The following PIAS4 variants were observed in gnomAD, a reference collection of about 807,000 sequenced individuals.
The protein encoded by PIAS4 is protein inhibitor of activated STAT 4, also known as E3 SUMO-protein ligase PIAS4.
In PIAS4, 7 loss-of-function variants were observed where a neutral mutation model predicts 58.0. That is an observed-to-expected ratio of 0.12 (90% confidence interval 0.07 to 0.23). PIAS4 has a LOEUF of 0.23. PIAS4 is among the 10% of genes least tolerant of loss of function. The pLI is 1.00. For synonymous variants in PIAS4, 364 were observed against 312.4 expected (o/e 1.17, Z -1.74); for missense variants, 550 against 709.5 (o/e 0.78, Z 2.55).
chr19:4,011,229 T>G (rs1311012427), intron 1 of PIAS4, among the ~76,000 whole-genome samples: 3 of 152,240 alleles, frequency 2.0e-5, no homozygotes, highest in Non-Finnish European at 4.4e-5. Flanking sequence ...CTTAACACCC[T>G]TGACGCTTGA....
chr19:4,030,573 C>G (rs1449945893), intron 7 of PIAS4, among the ~76,000 whole-genome samples: 1 of 151,118 alleles, frequency 6.6e-6, no homozygotes, highest in Non-Finnish European at 1.5e-5. Flanking sequence ...GAGCGGAGAT[C>G]GTGCCACTGC....
Position 4,024,138 on chromosome 19 carries a change from C to CA in PIAS4, c.539+19dup. On this transcript the variant is annotated intron_variant, in intron 3 of 10. Coordinates refer to ENST00000262971, the MANE Select transcript of PIAS4 (RefSeq NM_015897.4). ...AACTCCAGGTGTGCGGCACCTCCCCCAGCCCAGCACCCCACCGCCCGCCCA... is the reference window on the plus strand; with the variant it reads ...AACTCCAGGTGTGCGGCACCTCCCCCAAGCCCAGCACCCCACCGCCCGCCCA... 1 of 1,590,142 alleles carries CA rather than the reference C, an allele frequency of 6.3e-7. No individual in the cohort carries two copies. Among genetic ancestry groups the CA allele is most frequent in the Non-Finnish European group, 8.6e-7 (1 of 1,158,366 alleles).
chr19:4,036,122 A>G (rs201218647), intron 9 of PIAS4, among the ~76,000 whole-genome samples: 4,208 of 96,958 alleles, frequency 0.043, 615 homozygotes, highest in Non-Finnish European at 0.07. Flanking sequence ...ACATCTATAC[A>G]GTCCACACCG....
At chr19:4,017,641 C>A in intron 2 of PIAS4, 1 of 146,178 alleles carries the variant, frequency 6.8e-6, no homozygotes, top group Non-Finnish European at 1.5e-5. Flanking sequence ...GGGGCCAGCA[C>A]ATGGGCCAGC....
chr19:4,022,837 A>ATT (rs535618072), intron 2 of PIAS4, among the ~76,000 whole-genome samples: 1 of 137,458 alleles, frequency 7.3e-6, no homozygotes. Flanking sequence ...AGGCCTGGCT[A>ATT]TTTTTTTTTT....
chr19:4,010,299 G>A (rs1263363415), intron 1 of PIAS4, among the ~76,000 whole-genome samples: 2 of 152,200 alleles, frequency 1.3e-5, no homozygotes, highest in Admixed American at 1.3e-4. Flanking sequence ...CCGGGAAGCG[G>A]GAGCTGCGGC....
intron 8 of PIAS4, 94 bp from the exon 9 acceptor site, chr19:4,033,326 G>T: frequency 7.4e-7 from 1 of 1,349,586 alleles, no homozygotes; most frequent in Non-Finnish European, 1.0e-6. Context: ...ATGAGTGATT[G>T]GAGCGAGCCA....
At chr19:4,011,313 A>G (rs2039990067) in intron 1 of PIAS4, among the ~76,000 whole-genome samples, 1 of 152,186 alleles carries the variant, frequency 6.6e-6, no homozygotes, top group Admixed American at 6.5e-5. Flanking sequence ...CTTCAGGGCT[A>G]AGGGTGGGTG....
At chr19:4,029,273 G>A (rs1390602631) in intron 7 of PIAS4, among the ~76,000 whole-genome samples, 2 of 152,176 alleles carry the variant, frequency 1.3e-5, no homozygotes, top group African/African-American at 4.8e-5. Context: ...CACACCTCGT[G>A]TTGCTGGCCC....
intron 1 of PIAS4, among the ~76,000 whole-genome samples, chr19:4,011,673 G>T (rs35985287): frequency 0.12 from 9,663 of 81,078 alleles, 725 homozygotes; most frequent in African/African-American, 0.31. Flanking sequence ...TGGAGGTGTG[G>T]GGGGTGTGGA....
In PIAS4 at chr19:4,037,548, C is replaced by T. The variant is rs755815912; in HGVS notation, c.1273+44C>T. 29 of 1,607,600 alleles carry T rather than the reference C, an allele frequency of 1.8e-5. No individual in the cohort carries two copies. The highest frequency in any genetic ancestry group is 1.8e-4 in the East Asian group (8 of 44,876). On this transcript the variant is annotated intron_variant, in intron 10 of 10. Transcript: ENST00000262971. This position sits in a 1 kb window ranked among gnomAD's most constrained non-coding sequence, Gnocchi z 5.8. ...CAGCCGCGCAGTCCGCAGCCAGGGCCGCCTCAGTTTCCCCATTTATCAGTG... is the reference window on the plus strand; with the variant it reads ...CAGCCGCGCAGTCCGCAGCCAGGGCTGCCTCAGTTTCCCCATTTATCAGTG...
chr19:4,021,253 A>G (rs1485792045), intron 2 of PIAS4, among the ~76,000 whole-genome samples: 1 of 152,068 alleles, frequency 6.6e-6, no homozygotes, highest in East Asian at 1.9e-4. Flanking sequence ...TCTGGGTTTA[A>G]GCGATTCTCC....
At chr19:4,023,893 C>T in intron 2 of PIAS4, 143 bp from the exon 3 acceptor site, 2 of 655,790 alleles carry the variant, frequency 3.0e-6, no homozygotes, top group South Asian at 3.5e-5. Flanking sequence ...CCTGGGCGGC[C>T]CCCACCTCTG....
intron 2 of PIAS4, among the ~76,000 whole-genome samples, chr19:4,017,239 A>T (rs990555022): frequency 6.6e-6 from 1 of 152,020 alleles, no homozygotes; most frequent in African/African-American, 2.4e-5. Context: ...CTGCTACCAG[A>T]TGGGGGGCTG....
chr19:4,015,235 T>C (rs2040039891), intron 2 of PIAS4, among the ~76,000 whole-genome samples: 1 of 152,294 alleles, frequency 6.6e-6, no homozygotes, highest in East Asian at 1.9e-4. Context: ...AGGACCTGCA[T>C]CACAGGGAGG....
chr19:4,012,506 C>G (rs567996192), intron 1 of PIAS4, among the ~76,000 whole-genome samples: 5 of 152,096 alleles, frequency 3.3e-5, no homozygotes, highest in Admixed American at 3.3e-4. Flanking sequence ...CCAGCCAGTG[C>G]TTTATGTCAT....
chr19:4,038,162 T>G lies in PIAS4; in HGVS notation c.*287T>G. ...CACACAGCCGCCTCCCCGGCTGGAG[T>G]CCGAGCCGGGAAGGGGTAGTGGGCG... is the stretch of plus-strand genomic sequence containing the variant. On this transcript the variant is annotated 3_prime_UTR_variant, in exon 11 of 11. Coordinates refer to ENST00000262971, the MANE Select transcript of PIAS4 (RefSeq NM_015897.4). The surrounding 1 kb of genome is among the most constrained non-coding windows in gnomAD (Gnocchi z 4.1). The G allele has an allele frequency of 2.7e-6, 1 of 366,872 alleles. No individual in the cohort carries two copies. The highest frequency in any genetic ancestry group is 5.0e-6 in the Non-Finnish European group (1 of 201,994). The allele number at this position is 366,872 out of a possible 1,614,324, so 22.7% of individuals were successfully genotyped here. A position where few individuals can be genotyped will look rare whatever the true frequency, so the allele number is the denominator to read the frequency against.
chr19:4,009,330 A>G (rs1289385540), intron 1 of PIAS4, among the ~76,000 whole-genome samples: 2 of 152,090 alleles, frequency 1.3e-5, no homozygotes, highest in African/African-American at 2.4e-5. Context: ...AGAGTTTTGA[A>G]AAGTGGAGAC....
chr19:4,022,277 A>T (rs1333801819), intron 2 of PIAS4, among the ~76,000 whole-genome samples: 6 of 151,720 alleles, frequency 4.0e-5, no homozygotes, highest in African/African-American at 1.2e-4. Flanking sequence ...TTCATTTCTG[A>T]TATTGGTAGT....
Sources: gnomAD v4.1 joint callset for allele counts (sites outside exome capture counted in the v4.1 genomes callset) on GRCh38, gnomAD v4.1.1 for gene constraint, Gnocchi (gnomAD v3.1) non-coding constraint, MANE v1.5 for transcripts, NCBI Gene and HGNC (gene_info 2026-07-23, HGNC 2026-07-21) for gene names.